The following FRY variants were observed in gnomAD, a reference collection of about 807,000 sequenced individuals.
FRY encodes the protein FRY microtubule binding protein.
Under a neutral mutation model 348.4 loss-of-function variants are expected in FRY, and 128 were observed. That is an observed-to-expected ratio of 0.37 (90% CI 0.32 to 0.43). The LOEUF (loss-of-function observed/expected upper bound fraction) is 0.43. Ranked by LOEUF, FRY falls within the 20% of genes least tolerant of loss-of-function variation. The pLI, the probability that FRY is intolerant of heterozygous loss-of-function variation, is 1.00. For synonymous variants in FRY, 1,370 were observed against 1,374.7 expected (o/e 1.00, Z 0.08); for missense variants, 2,736 against 3,695.2 (o/e 0.74, Z 6.73).
At chr13:32,065,311 A>C (rs551109227) in intron 1 of FRY, among the ~76,000 whole-genome samples, 1 of 152,264 alleles carries the variant, frequency 6.6e-6, no homozygotes, top group Admixed American at 6.5e-5. Flanking sequence ...TAATTAAAAA[A>C]AAATTTTTTT....
intron 2 of FRY, among the ~76,000 whole-genome samples, chr13:32,099,428 C>T (rs927622449): frequency 7.3e-5 from 11 of 151,554 alleles, no homozygotes; most frequent in Admixed American, 6.6e-4. Context: ...AAAGCAATAC[C>T]GCGTGAGTTG....
intron 29 of FRY, among the ~76,000 whole-genome samples, chr13:32,197,953 G>T (rs1883777506): frequency 6.6e-6 from 1 of 151,930 alleles, no homozygotes; most frequent in Non-Finnish European, 1.5e-5. Context: ...TTTTACCCTT[G>T]CTCTGCCTAT....
chr13:32,083,101 T>C (rs1296915803), intron 2 of FRY, among the ~76,000 whole-genome samples: 2 of 152,142 alleles, frequency 1.3e-5, no homozygotes, highest in Non-Finnish European at 2.9e-5. Flanking sequence ...TTATGCTACA[T>C]TGCATATCTT....
chr13:32,202,329 C>G, intron 30 of FRY, 27 bp from the exon 31 acceptor site: 1 of 1,587,662 alleles, frequency 6.3e-7, no homozygotes, highest in South Asian at 1.1e-5. Context: ...TTTCATACTA[C>G]TTTTTTACTT....
intron 50 of FRY, 54 bp from the exon 51 acceptor site, chr13:32,254,170 G>C (rs1033815726): frequency 6.3e-7 from 1 of 1,582,648 alleles, no homozygotes; most frequent in African/African-American, 1.3e-5. Context: ...ATTTTTCGTA[G>C]CACAAACAAC....
chr13:32,236,654 A>C (rs557473766), intron 43 of FRY, among the ~76,000 whole-genome samples: 1 of 150,722 alleles, frequency 6.6e-6, no homozygotes, highest in Non-Finnish European at 1.5e-5. Flanking sequence ...GCTCCTGCCA[A>C]TGTTTAATAA....
chr13:32,280,582 G>A (rs918543528), intron 58 of FRY, among the ~76,000 whole-genome samples: 15 of 152,148 alleles, frequency 9.9e-5, no homozygotes, highest in Middle Eastern at 3.2e-3. Flanking sequence ...GTTATATCAG[G>A]TTAGGATTTA....
chr13:32,205,476 C>T (rs1884301411), intron 31 of FRY, among the ~76,000 whole-genome samples: 2 of 152,144 alleles, frequency 1.3e-5, no homozygotes, highest in African/African-American at 4.8e-5. Flanking sequence ...GAGTTATAAA[C>T]TAGCATGATG....
At chr13:32,117,244 A>G in intron 3 of FRY, 90 bp from the exon 4 acceptor site, 1 of 1,130,456 alleles carries the variant, frequency 8.8e-7, no homozygotes, top group Non-Finnish European at 1.3e-6. Flanking sequence ...TATTTTAGTG[A>G]GTAGTGCTTG....
intron 1 of FRY, among the ~76,000 whole-genome samples, chr13:32,049,472 C>T (rs879308656): frequency 3.9e-5 from 6 of 152,162 alleles, no homozygotes; most frequent in Admixed American, 3.3e-4. Context: ...CGGAGTCTTG[C>T]TCTGTCGGCT....
intron 51 of FRY, among the ~76,000 whole-genome samples, chr13:32,255,431 A>T (rs1400859451): frequency 6.6e-6 from 1 of 152,210 alleles, no homozygotes. Context: ...GCCTATGTCT[A>T]ATTGAAGCCA....
chr13:32,095,337 C>CTTTTTTTT lies in FRY; in HGVS notation c.271-6605_271-6598dup, dbSNP rs61006034. On this transcript the variant is annotated intron_variant, in intron 2 of 60. Coordinates refer to ENST00000542859, the MANE Select transcript of FRY (RefSeq NM_023037.3). ...GATTGTTTCCTTTGCTGTATGGAAGCTTTTTTTTTTTTTTTTTTTTTTTTT... is the reference window on the plus strand; with the variant it reads ...GATTGTTTCCTTTGCTGTATGGAAGCTTTTTTTTTTTTTTTTTTTTTTTTTTTTTTTTT... Among the ~76,000 whole-genome samples, 11 of 58,344 alleles carry CTTTTTTTT rather than the reference C, an allele frequency of 1.9e-4. 2 individuals carry two copies. The highest frequency in any genetic ancestry group is 2.6e-4 in the Non-Finnish European group (9 of 34,070). The allele number at this position is 58,344 out of a possible 152,430, so 38.3% of individuals were successfully genotyped here.
chr13:32,169,192 C>T (rs1378530755), intron 17 of FRY, among the ~76,000 whole-genome samples: 2 of 152,220 alleles, frequency 1.3e-5, no homozygotes. Context: ...GCCCTCACCA[C>T]TTGTTGCTTA....
At chr13:32,276,432 A>G in intron 56 of FRY, 32 bp from the exon 57 acceptor site, 1 of 1,057,852 alleles carries the variant, frequency 9.5e-7, no homozygotes, top group Non-Finnish European at 1.5e-6. Context: ...GTATCTCTCT[A>G]GTTTTAATAC....
chr13:32,045,616 C>T (rs1013695066), intron 1 of FRY, among the ~76,000 whole-genome samples: 4 of 152,070 alleles, frequency 2.6e-5, no homozygotes, highest in Admixed American at 6.6e-5. Flanking sequence ...ATTTCATTGG[C>T]GATGTATATG....
chr13:32,198,953 C>A (rs1335423260), intron 29 of FRY, among the ~76,000 whole-genome samples: 1 of 152,164 alleles, frequency 6.6e-6, no homozygotes, highest in Non-Finnish European at 1.5e-5. Flanking sequence ...GAAAGGCCAG[C>A]ACATTTGGTG....
chr13:32,250,953 C>T (rs1887048197), intron 49 of FRY, among the ~76,000 whole-genome samples: 2 of 152,204 alleles, frequency 1.3e-5, no homozygotes, highest in African/African-American at 4.8e-5. Context: ...ATTCCTTAAC[C>T]TCAAAGTCCT....
chr13:32,238,601 G>A (rs1454885888), intron 44 of FRY, among the ~76,000 whole-genome samples: 6 of 152,010 alleles, frequency 3.9e-5, no homozygotes, highest in Non-Finnish European at 8.8e-5. Context: ...ACAGGTGTAC[G>A]CCACCACGCC....
At chr13:32,257,401 T>A (rs1887394777) in intron 51 of FRY, among the ~76,000 whole-genome samples, 1 of 152,252 alleles carries the variant, frequency 6.6e-6, no homozygotes, top group African/African-American at 2.4e-5. Context: ...TCATATCTAT[T>A]CCTTTTCATT....
Sources: allele counts gnomAD v4.1 joint callset (sites outside exome capture counted in the v4.1 genomes callset), GRCh38; gene constraint gnomAD v4.1.1; transcripts MANE v1.5; gene names NCBI Gene and HGNC (gene_info 2026-07-23, HGNC 2026-07-21).